Variants in IL20RA observed in about 807,000 individuals in gnomAD.
IL20RA encodes interleukin-20 receptor subunit alpha.
In IL20RA, 29 loss-of-function variants were observed where a neutral mutation model predicts 36.5. The ratio of observed to expected loss-of-function variants is 0.79; its 90% CI spans 0.59 to 1.08. The LOEUF (loss-of-function observed/expected upper bound fraction) is 1.08, where lower values mean the gene tolerates loss of function less well. IL20RA is among the 50% of genes least tolerant of loss of function. IL20RA has a pLI of 0.00. For missense variants in IL20RA, 652 were observed against 668.4 expected (o/e 0.98, Z 0.27); for synonymous variants, 279 against 267.1 (o/e 1.04, Z -0.43).
intron 1 of IL20RA, among the ~76,000 whole-genome samples, chr6:137,026,451 A>T (rs928246932): frequency 6.6e-6 from 1 of 152,260 alleles, no homozygotes; most frequent in Non-Finnish European, 1.5e-5. Flanking sequence ...GGATCTGCAC[A>T]GTCAGAAGAT....
chr6:137,042,547 T>C (rs149614011), intron 1 of IL20RA, among the ~76,000 whole-genome samples: 1 of 152,104 alleles, frequency 6.6e-6, no homozygotes, highest in East Asian at 1.9e-4. Flanking sequence ...CCTGGAGGGG[T>C]CCAAGAGTGA....
chr6:137,015,648 TTTTG>T (rs369289244), intron 2 of IL20RA, among the ~76,000 whole-genome samples: 190 of 152,172 alleles, frequency 1.2e-3, no homozygotes, highest in Middle Eastern at 3.4e-3. Context: ...TCTCCATAAT[TTTTG>T]TTTGTTTGTT....
chr6:137,010,099 A>T (rs1775433059), intron 3 of IL20RA, among the ~76,000 whole-genome samples: 1 of 152,190 alleles, frequency 6.6e-6, no homozygotes, highest in Non-Finnish European at 1.5e-5. Flanking sequence ...TACAATCAAA[A>T]CTGTTTGTAA....
At chr6:137,007,800 C>A (rs140536833) in intron 5 of IL20RA, among the ~76,000 whole-genome samples, 78 of 152,266 alleles carry the variant, frequency 5.1e-4, no homozygotes, top group African/African-American at 1.9e-3. Flanking sequence ...CTCATGCAGC[C>A]AATTAGTGGC....
chr6:137,040,859 G>A (rs1776668067), intron 1 of IL20RA, among the ~76,000 whole-genome samples: 1 of 152,136 alleles, frequency 6.6e-6, no homozygotes, highest in African/African-American at 2.4e-5. Context: ...AAAAATAGTT[G>A]GGTGTGAGTT....
At chr6:137,025,990 A>G (rs276497) in intron 1 of IL20RA, among the ~76,000 whole-genome samples, 124,948 of 152,220 alleles carry the variant, frequency 0.82, 56,613 homozygotes, top group East Asian at 1. Flanking sequence ...AGACTTTCCC[A>G]TTATGGCCAG....
At chr6:137,012,598 C>T (rs1432024913) in intron 2 of IL20RA, among the ~76,000 whole-genome samples, 1 of 152,100 alleles carries the variant, frequency 6.6e-6, no homozygotes, top group Non-Finnish European at 1.5e-5. Context: ...GAGTCAATGT[C>T]ATCAAACTGC....
At chr6:137,003,187 C>T (rs1352602863) in intron 6 of IL20RA, among the ~76,000 whole-genome samples, 1 of 152,168 alleles carries the variant, frequency 6.6e-6, no homozygotes, top group Non-Finnish European at 1.5e-5. Flanking sequence ...ATGTTCCTTC[C>T]AGAAAAGGTC....
intron 1 of IL20RA, among the ~76,000 whole-genome samples, chr6:137,022,726 T>C (rs1223251361): frequency 1.3e-5 from 2 of 152,254 alleles, no homozygotes; most frequent in African/African-American, 2.4e-5. Context: ...CATGAGATCA[T>C]ACTGAAGTCA....
rs146644651 is a variant in IL20RA, at chr6:137,009,366, G to C, written c.530C>G (p.Ser177Cys). Residue 177 changes from serine (S) to cysteine (C), a missense_variant, in exon 4 of 7, where the codon TCC (serine) becomes TGC (cysteine). Coordinates refer to ENST00000316649, the MANE Select transcript of IL20RA (RefSeq NM_014432.4). Reference sequence around the variant, plus strand: ...CACAGACACGTTATACTTCAGATTGGAGTATATTTGTTGCATGGAAACAGG... The same window carrying C: ...CACAGACACGTTATACTTCAGATTGCAGTATATTTGTTGCATGGAAACAGG... ...DLPVSMQQIY[S>C]NLKYNVSVLN... 1.2e-6 allele frequency: 2 copies of C among 1,612,496 alleles called. No homozygotes were observed. Among genetic ancestry groups the C allele is most frequent in the East Asian group, 2.2e-5 (1 of 44,856 alleles).
chr6:137,024,620 G>A (rs1447919560), intron 1 of IL20RA, among the ~76,000 whole-genome samples: 1 of 152,128 alleles, frequency 6.6e-6, no homozygotes, highest in Non-Finnish European at 1.5e-5. Flanking sequence ...AATGCACCGT[G>A]TTCACCAGCC....
At chr6:137,030,070 GTTTTTTTTTTTT>G (rs1188809232) in intron 1 of IL20RA, among the ~76,000 whole-genome samples, 9 of 62,856 alleles carry the variant, frequency 1.4e-4, no homozygotes, top group South Asian at 8.2e-4. Flanking sequence ...CGGTTTGCGG[GTTTTTTTTTTTT>G]TTTTTTTTTT....
intron 2 of IL20RA, among the ~76,000 whole-genome samples, chr6:137,014,038 C>T (rs915772736): frequency 6.6e-6 from 1 of 152,188 alleles, no homozygotes; most frequent in Admixed American, 6.5e-5. Flanking sequence ...CTCTTTGCTC[C>T]ACCTAATGGA....
chr6:137,017,619 A>C lies in IL20RA; in HGVS notation c.89-516T>G, dbSNP rs192510717. On this transcript the variant is annotated intron_variant, in intron 1 of 6. Transcript: ENST00000316649. Reference sequence around the variant, plus strand: ...GTTATGCACAGCAGAGAACTAAAACAATCTCTTTATTAAATATAAAAACAA... The same window carrying C: ...GTTATGCACAGCAGAGAACTAAAACCATCTCTTTATTAAATATAAAAACAA... Among the ~76,000 whole-genome samples the C allele has an allele frequency of 1.6e-4, 24 of 152,348 alleles. No individual in the cohort carries two copies. The East Asian group carries it at 2.9e-3, about 18-fold the overall frequency.
At chr6:137,038,364 T>TG (rs1403522378) in intron 1 of IL20RA, among the ~76,000 whole-genome samples, 1 of 151,788 alleles carries the variant, frequency 6.6e-6, no homozygotes, top group East Asian at 1.9e-4. Context: ...TTACCAAGCC[T>TG]GGCTATTTTT....
At chr6:137,041,035 A>T (rs1776675645) in intron 1 of IL20RA, among the ~76,000 whole-genome samples, 1 of 152,256 alleles carries the variant, frequency 6.6e-6, no homozygotes, top group Non-Finnish European at 1.5e-5. Context: ...TGATATTACA[A>T]ATCCTTTGAA....
chr6:137,007,645 A>G (rs1775325466), intron 5 of IL20RA, among the ~76,000 whole-genome samples: 1 of 152,204 alleles, frequency 6.6e-6, no homozygotes, highest in African/African-American at 2.4e-5. Flanking sequence ...TCACAACTCT[A>G]TGTCTTCTCA....
At chr6:137,017,852 A>T (rs1444214563) in intron 1 of IL20RA, among the ~76,000 whole-genome samples, 1 of 152,222 alleles carries the variant, frequency 6.6e-6, no homozygotes, top group African/African-American at 2.4e-5. Context: ...TTGTAGAGAA[A>T]TGGTAAAGAA....
intron 1 of IL20RA, among the ~76,000 whole-genome samples, chr6:137,022,472 A>G (rs1315186145): frequency 2.6e-5 from 4 of 152,190 alleles, no homozygotes; most frequent in African/African-American, 7.2e-5. Context: ...CTTGGACTTT[A>G]GCTCTTTGTC....
Sources: allele counts gnomAD v4.1 joint callset (sites outside exome capture counted in the v4.1 genomes callset), GRCh38; gene constraint gnomAD v4.1.1; transcripts MANE v1.5; gene names NCBI Gene and HGNC (gene_info 2026-07-23, HGNC 2026-07-21).